CAP2: variants seen among roughly 807,000 people sequenced by gnomAD.
The protein encoded by CAP2 is adenylyl cyclase-associated protein 2.
Under a neutral mutation model 57.7 loss-of-function variants are expected in CAP2, and 24 were observed. The observed-to-expected ratio is 0.42, with a 90% confidence interval of 0.30 to 0.58. The LOEUF (loss-of-function observed/expected upper bound fraction) is 0.58, where lower values mean the gene tolerates loss of function less well. Ranked by LOEUF, CAP2 falls within the 20% of genes least tolerant of loss-of-function variation. CAP2 has a pLI of 0.22. For synonymous variants in CAP2, 194 were observed against 207.2 expected (o/e 0.94, Z 0.55); for missense variants, 501 against 590.3 (o/e 0.85, Z 1.57).
chr6:17,478,297 CTTTTTTT>C (rs58472723), intron 4 of CAP2, among the ~76,000 whole-genome samples: 11 of 120,398 alleles, frequency 9.1e-5, no homozygotes, highest in Admixed American at 5.9e-4. Context: ...ACTACACCTA[CTTTTTTT>C]TTTTTTTTTT....
At chr6:17,487,394 C>G (rs530970961) in intron 4 of CAP2, among the ~76,000 whole-genome samples, 1 of 152,282 alleles carries the variant, frequency 6.6e-6, no homozygotes, top group South Asian at 2.1e-4. Flanking sequence ...CTCAGAGCTC[C>G]CCAAGAGCAA....
chr6:17,408,660 C>CTTTTTTT (rs35571407), intron 1 of CAP2, among the ~76,000 whole-genome samples: 1 of 120,454 alleles, frequency 8.3e-6, no homozygotes, highest in African/African-American at 3.4e-5. Context: ...TGATAGCCTC[C>CTTTTTTT]TTTTTTTTTT....
chr6:17,535,040 C>T (rs774909675), intron 7 of CAP2, among the ~76,000 whole-genome samples: 3 of 152,132 alleles, frequency 2.0e-5, no homozygotes, highest in Non-Finnish European at 4.4e-5. Flanking sequence ...ATTGTCAAAG[C>T]ACAAGACATC....
chr6:17,516,570 C>T (rs571563209), intron 7 of CAP2, among the ~76,000 whole-genome samples: 3 of 152,194 alleles, frequency 2.0e-5, no homozygotes, highest in Non-Finnish European at 2.9e-5. Flanking sequence ...AGAACTTACT[C>T]GTGTAACCAA....
At chr6:17,538,096 G>C (rs574060995) in intron 7 of CAP2, among the ~76,000 whole-genome samples, 1 of 151,516 alleles carries the variant, frequency 6.6e-6, no homozygotes. Flanking sequence ...ACAGTATATA[G>C]GCCAAGTTTG....
intron 7 of CAP2, among the ~76,000 whole-genome samples, chr6:17,529,651 A>AAAAAAAATATAT (rs10656588): frequency 2.2e-3 from 301 of 134,490 alleles, no homozygotes; most frequent in South Asian, 0.014. Context: ...AAAAAAAAAA[A>AAAAAAAATATAT]ATATATATAT....
chr6:17,473,774 T>TG (rs1266591410), intron 4 of CAP2, among the ~76,000 whole-genome samples: 1 of 152,182 alleles, frequency 6.6e-6, no homozygotes, highest in African/African-American at 2.4e-5. Context: ...TTGTATGTGC[T>TG]GGGGGGTGGA....
intron 3 of CAP2, among the ~76,000 whole-genome samples, chr6:17,440,329 A>AT (rs1760033940): frequency 6.6e-6 from 1 of 151,376 alleles, no homozygotes; most frequent in African/African-American, 2.5e-5. Flanking sequence ...GTATATGTGA[A>AT]AGCTGCTGAT....
chr6:17,457,824 T>TA (rs1371114598), intron 3 of CAP2, among the ~76,000 whole-genome samples: 1 of 152,224 alleles, frequency 6.6e-6, no homozygotes, highest in Non-Finnish European at 1.5e-5. Context: ...GTAAAAAGGC[T>TA]AATGATCATG....
At chr6:17,540,844 C>A in intron 8 of CAP2, 129 bp from the exon 9 acceptor site, 1 of 788,384 alleles carries the variant, frequency 1.3e-6, no homozygotes, top group Non-Finnish European at 2.1e-6. Flanking sequence ...TTGGAGAAAG[C>A]ACTAGACTGT....
chr6:17,543,230 A>AGTAAGCAGCCTTTCCAACCACGCTGTT, intron 11 of CAP2, 87 bp downstream of exon 11: 1 of 1,113,944 alleles, frequency 9.0e-7, no homozygotes, highest in Non-Finnish European at 1.4e-6. Flanking sequence ...ACCACGCTGT[A>AGTAAGCAGCCTTTCCAACCACGCTGTT]GTAAGCAGCC....
chr6:17,531,859 C>G (rs992545618), intron 7 of CAP2, among the ~76,000 whole-genome samples: 8 of 152,184 alleles, frequency 5.3e-5, no homozygotes, highest in Non-Finnish European at 1.2e-4. Context: ...CAGCATCCCT[C>G]ATGCATGTGA....
chr6:17,530,275 C>A (rs1474669266), intron 7 of CAP2, among the ~76,000 whole-genome samples: 1 of 152,044 alleles, frequency 6.6e-6, no homozygotes, highest in African/African-American at 2.4e-5. Flanking sequence ...GAGACAGGAT[C>A]TCACTATGTT....
chr6:17,486,657 T>C (rs970996037), intron 4 of CAP2, among the ~76,000 whole-genome samples: 2 of 152,176 alleles, frequency 1.3e-5, no homozygotes, highest in Non-Finnish European at 2.9e-5. Context: ...ATGGCCAGGA[T>C]ATCATAAGAC....
chr6:17,518,556 G>A (rs1442157382), intron 7 of CAP2, among the ~76,000 whole-genome samples: 3 of 152,152 alleles, frequency 2.0e-5, no homozygotes, highest in Admixed American at 6.5e-5. Context: ...TTTATAAAAT[G>A]ATAAATATCA....
rs12209446 is a variant in CAP2, at chr6:17,461,513, C to T, written c.223-1483C>T. The stretch of plus-strand genomic sequence containing the variant: ...AAGTGCTGAGATTACAGGCATGAGC[C>T]GCCATGCCTTGCCTAATCTTTGAAA... On this transcript the variant is annotated intron_variant, in intron 3 of 12. Coordinates refer to ENST00000229922, the MANE Select transcript of CAP2 (RefSeq NM_006366.3). 1.9e-3 allele frequency among the ~76,000 whole-genome samples: 284 copies of T among 151,902 alleles called. 1 individual carries two copies. The highest frequency in any genetic ancestry group is 6.8e-3 in the Middle Eastern group (2 of 292).
At chr6:17,410,568 T>C (rs1581494448) in intron 1 of CAP2, among the ~76,000 whole-genome samples, 1 of 151,830 alleles carries the variant, frequency 6.6e-6, no homozygotes. Context: ...GTTACTCAGA[T>C]TTAATTTTTT....
At chr6:17,434,137 C>T (rs1377466064) in intron 3 of CAP2, among the ~76,000 whole-genome samples, 2 of 152,142 alleles carry the variant, frequency 1.3e-5, no homozygotes, top group African/African-American at 4.8e-5. Flanking sequence ...TTTTCCTGGA[C>T]AGCAAATATG....
At chr6:17,543,025 G>A (rs1253091828) in intron 10 of CAP2, 36 bp from the exon 11 acceptor site, 1 of 1,612,132 alleles carries the variant, frequency 6.2e-7, no homozygotes, top group Admixed American at 1.7e-5. Context: ...TGTATTTAGT[G>A]GAGTTGGTTT....
Sources: gnomAD v4.1 joint callset for allele counts (sites outside exome capture counted in the v4.1 genomes callset) on GRCh38, gnomAD v4.1.1 for gene constraint, MANE v1.5 for transcripts, NCBI Gene and HGNC (gene_info 2026-07-23, HGNC 2026-07-21) for gene names.